The following SCLT1 variants were observed in gnomAD, a reference collection of about 807,000 sequenced individuals.
SCLT1 encodes the protein sodium channel-associated protein 1.
SCLT1 carries 78 observed loss-of-function variants against 112.8 expected under a neutral mutation model. The ratio of observed to expected loss-of-function variants is 0.69; its 90% CI spans 0.58 to 0.83. The LOEUF (loss-of-function observed/expected upper bound fraction) is 0.83. Among genes scored for constraint, SCLT1 ranks in the 40% least tolerant of loss-of-function variants. SCLT1 has a pLI of 0.00. For synonymous variants in SCLT1, 257 were observed against 254.7 expected (o/e 1.01, Z -0.09); for missense variants, 747 against 770.4 (o/e 0.97, Z 0.36).
chr4:129,079,798 C>T (rs1007083944), intron 2 of SCLT1, among the ~76,000 whole-genome samples: 13 of 152,264 alleles, frequency 8.5e-5, no homozygotes, highest in African/African-American at 3.1e-4. Flanking sequence ...AGAGGTTCTC[C>T]ATGAGGGCTG....
intron 2 of SCLT1, among the ~76,000 whole-genome samples, chr4:129,063,819 A>T (rs1182560802): frequency 6.6e-6 from 1 of 152,142 alleles, no homozygotes; most frequent in African/African-American, 2.4e-5. Flanking sequence ...ATTCTGGGTG[A>T]GTCAAAAAGA....
chr4:128,890,152 C>T (rs577548681), intron 19 of SCLT1, among the ~76,000 whole-genome samples: 29 of 152,192 alleles, frequency 1.9e-4, no homozygotes, highest in African/African-American at 5.3e-4. Context: ...CATATTTATA[C>T]GCAGACTTCA....
chr4:128,904,439 G>A (rs1021292463), intron 18 of SCLT1, among the ~76,000 whole-genome samples: 6 of 152,090 alleles, frequency 3.9e-5, no homozygotes, highest in Admixed American at 3.9e-4. Flanking sequence ...AATTTATGTT[G>A]TATGTATTAA....
At chr4:128,948,226 C>T (rs1738354246) in intron 15 of SCLT1, among the ~76,000 whole-genome samples, 1 of 150,000 alleles carries the variant, frequency 6.7e-6, no homozygotes, top group Non-Finnish European at 1.5e-5. Context: ...TTCCCAGCTA[C>T]TCAGGAGGCT....
In SCLT1 at chr4:128,888,711, C is replaced by T. The variant is rs748762989; in HGVS notation, c.1972G>A (p.Ala658Thr). Residue 658 changes from alanine (A) to threonine (T), a missense_variant, in exon 20 of 21, where the codon GCA (alanine) becomes ACA (threonine). Physicochemically the swap from Ala to Thr is moderately conservative, Grantham distance 58 (BLOSUM62 0). Transcript: ENST00000281142. ...ANRLQRRLSQAEERAASASQQ... is the reference protein window; with the variant it reads ...ANRLQRRLSQTEERAASASQQ... ...GAAGCTGAAGCAGCTCTCTCTTCTG[C>T]CTGACTTAGACGCCTTTGAAGTCTG... 3.7e-6 allele frequency: 6 copies of T among 1,612,832 alleles called. No individual in the cohort carries two copies. The South Asian group carries it at 5.5e-5, about 15-fold the overall frequency.
downstream of SCLT1, among the ~76,000 whole-genome samples, chr4:128,883,015 G>A (rs1422594556): frequency 9.9e-5 from 15 of 151,720 alleles, no homozygotes; most frequent in African/African-American, 2.7e-4. Flanking sequence ...GTGTGGTGGC[G>A]GGTGCCTGTA....
At chr4:128,913,243 T>C (rs189418046) in intron 18 of SCLT1, among the ~76,000 whole-genome samples, 63 of 152,274 alleles carry the variant, frequency 4.1e-4, no homozygotes, top group Admixed American at 4.0e-3. Flanking sequence ...AAAACAAAAA[T>C]AAAATCTAGG....
chr4:128,886,977 T>TCAGATATGTAA (rs1732940754), intron 20 of SCLT1, among the ~76,000 whole-genome samples: 1 of 152,238 alleles, frequency 6.6e-6, no homozygotes, highest in Non-Finnish European at 1.5e-5. Context: ...ATTTCTTACA[T>TCAGATATGTAA]ATCTGTCTAA....
intron 9 of SCLT1, among the ~76,000 whole-genome samples, chr4:128,983,179 C>A (rs997145714): frequency 6.6e-6 from 1 of 152,180 alleles, no homozygotes; most frequent in Non-Finnish European, 1.5e-5. Flanking sequence ...TGAGCCACTG[C>A]GCCCGGCCAC....
intron 9 of SCLT1, among the ~76,000 whole-genome samples, chr4:128,981,924 C>T (rs1227960727): frequency 2.6e-5 from 4 of 151,844 alleles, no homozygotes; most frequent in South Asian, 2.1e-4. Context: ...GTGACATGAT[C>T]GGACATATTT....
chr4:128,972,760 C>T (rs1045498209), intron 9 of SCLT1, among the ~76,000 whole-genome samples: 9 of 152,190 alleles, frequency 5.9e-5, no homozygotes, highest in Non-Finnish European at 8.8e-5. Flanking sequence ...CCAGTAGATT[C>T]CAAACTCATC....
chr4:129,020,120 G>A (rs1745335496), intron 5 of SCLT1, among the ~76,000 whole-genome samples: 1 of 152,118 alleles, frequency 6.6e-6, no homozygotes, highest in Non-Finnish European at 1.5e-5. Flanking sequence ...TGGCCTGAAT[G>A]TATTAGACAT....
chr4:128,914,435 T>C (rs1349926174), intron 18 of SCLT1, among the ~76,000 whole-genome samples: 1 of 152,112 alleles, frequency 6.6e-6, no homozygotes, highest in Non-Finnish European at 1.5e-5. Flanking sequence ...GATGTTTCTC[T>C]AAAATCTTAA....
chr4:128,966,305 T>C (rs1740185653), intron 10 of SCLT1, among the ~76,000 whole-genome samples: 1 of 152,086 alleles, frequency 6.6e-6, no homozygotes, highest in African/African-American at 2.4e-5. Context: ...TTTAGCTATA[T>C]CTGTTTGAAC....
intron 9 of SCLT1, among the ~76,000 whole-genome samples, chr4:128,973,611 T>A: frequency 6.6e-6 from 1 of 152,144 alleles, no homozygotes; most frequent in Non-Finnish European, 1.5e-5. Context: ...TATTCATGTG[T>A]GAAAAATTCT....
At chr4:128,949,974 A>G (rs1738571663) in intron 14 of SCLT1, among the ~76,000 whole-genome samples, 1 of 72,610 alleles carries the variant, frequency 1.4e-5, no homozygotes, top group Non-Finnish European at 2.4e-5. Context: ...TTAAATTTTA[A>G]AGTAAGCTTC....
chr4:128,940,366 A>G (rs1737582746), intron 17 of SCLT1, among the ~76,000 whole-genome samples: 1 of 152,078 alleles, frequency 6.6e-6, no homozygotes, highest in African/African-American at 2.4e-5. Context: ...AGCATTAAAA[A>G]GACAACTATA....
chr4:129,058,996 G>A (rs904656861), intron 2 of SCLT1, among the ~76,000 whole-genome samples: 1 of 152,062 alleles, frequency 6.6e-6, no homozygotes, highest in Non-Finnish European at 1.5e-5. Context: ...GGATATAATT[G>A]AATTCATCAT....
At chr4:128,961,353 C>T (rs1242117200) in intron 11 of SCLT1, among the ~76,000 whole-genome samples, 2 of 151,932 alleles carry the variant, frequency 1.3e-5, no homozygotes, top group Non-Finnish European at 2.9e-5. Flanking sequence ...TATTATCACC[C>T]CCAAAATATG....
Sources: gnomAD v4.1 joint callset for allele counts (sites outside exome capture counted in the v4.1 genomes callset) on GRCh38, gnomAD v4.1.1 for gene constraint, MANE v1.5 for transcripts, NCBI Gene and HGNC (gene_info 2026-07-23, HGNC 2026-07-21) for gene names.